The following AUTS2 variants were observed in gnomAD, a reference collection of about 807,000 sequenced individuals.
AUTS2 encodes activator of transcription and developmental regulator AUTS2, also known as autism susceptibility gene 2 protein.
AUTS2 carries 17 observed loss-of-function variants against 112.4 expected under a neutral mutation model. The observed-to-expected ratio is 0.15, with a 90% CI of 0.10 to 0.23. The LOEUF is 0.23. AUTS2 is among the 10% of genes least tolerant of loss of function. AUTS2 has a pLI of 1.00. For synonymous variants in AUTS2, 751 were observed against 702.7 expected, an observed-to-expected ratio of 1.07 and a Z score of -1.09; for missense variants, 1,510 against 1,701.6, an observed-to-expected ratio of 0.89 and a Z score of 1.98.
intron 1 of AUTS2, among the ~76,000 whole-genome samples, chr7:69,833,379 A>G (rs1031708327): frequency 1.3e-5 from 2 of 152,210 alleles, no homozygotes; most frequent in African/African-American, 4.8e-5. Flanking sequence ...TAAAAGGCCA[A>G]TCGTATCTGA....
chr7:70,567,019 C>T (rs1414141936), intron 5 of AUTS2, among the ~76,000 whole-genome samples: 3 of 152,192 alleles, frequency 2.0e-5, no homozygotes, highest in Non-Finnish European at 4.4e-5. Flanking sequence ...AGCATTGGAT[C>T]CCTTGTAGAT....
intron 4 of AUTS2, chr7:70,294,176 A>G (rs1031385803): frequency 1.3e-5 from 2 of 152,240 alleles, no homozygotes; most frequent in East Asian, 3.8e-4. Flanking sequence ...CATAGAAGGC[A>G]TTGCATAGCT....
intron 1 of AUTS2, among the ~76,000 whole-genome samples, chr7:69,667,350 G>GTTTTTTTTTTT (rs58991076): frequency 7.4e-6 from 1 of 134,436 alleles, no homozygotes; most frequent in Non-Finnish European, 1.6e-5. Context: ...GTTTTGTTGT[G>GTTTTTTTTTTT]TTTTTTTTTT....
At chr7:69,689,542 G>A (rs1246034496) in intron 1 of AUTS2, among the ~76,000 whole-genome samples, 20 of 150,910 alleles carry the variant, frequency 1.3e-4, no homozygotes, top group African/African-American at 3.4e-4. Context: ...GGGTTTCACC[G>A]TATTGGCCAG....
chr7:69,848,541 AG>A (rs1447475124), intron 1 of AUTS2, among the ~76,000 whole-genome samples: 1 of 152,152 alleles, frequency 6.6e-6, no homozygotes, highest in Non-Finnish European at 1.5e-5. Flanking sequence ...ATGCCCTCCC[AG>A]GTACAGTAGC....
At chr7:70,362,701 A>G (rs1052884734) in intron 4 of AUTS2, among the ~76,000 whole-genome samples, 2 of 151,246 alleles carry the variant, frequency 1.3e-5, no homozygotes, top group South Asian at 2.1e-4. Context: ...TTTTTTAATC[A>G]GAAAGTTCTT....
At chr7:69,954,445 C>A (rs1397373750) in intron 2 of AUTS2, among the ~76,000 whole-genome samples, 2 of 152,030 alleles carry the variant, frequency 1.3e-5, no homozygotes, top group Non-Finnish European at 2.9e-5. Flanking sequence ...CCATGCCTGG[C>A]CTAATTTTTA....
chr7:70,054,189 T>C (rs1333428082), intron 2 of AUTS2, among the ~76,000 whole-genome samples: 1 of 152,198 alleles, frequency 6.6e-6, no homozygotes, highest in Non-Finnish European at 1.5e-5. Flanking sequence ...TAAATTTGCA[T>C]AGCCATGTGT....
intron 5 of AUTS2, among the ~76,000 whole-genome samples, chr7:70,475,784 CA>C (rs1797559780): frequency 6.6e-6 from 1 of 152,174 alleles, no homozygotes; most frequent in Admixed American, 6.5e-5. Context: ...TCCTACAATA[CA>C]AGCACTTTGG....
chr7:69,818,857 T>G (rs900642929), intron 1 of AUTS2, among the ~76,000 whole-genome samples: 1 of 152,240 alleles, frequency 6.6e-6, no homozygotes, highest in Non-Finnish European at 1.5e-5. Context: ...CTGTGACCTT[T>G]GTGTTTATAA....
intron 2 of AUTS2, among the ~76,000 whole-genome samples, chr7:70,082,267 A>G (rs1803359824): frequency 6.6e-6 from 1 of 152,190 alleles, no homozygotes; most frequent in African/African-American, 2.4e-5. Flanking sequence ...ATTAAATTTC[A>G]TGGTATATGG....
intron 2 of AUTS2, among the ~76,000 whole-genome samples, chr7:69,914,842 A>C (rs1350518504): frequency 6.6e-6 from 1 of 152,088 alleles, no homozygotes; most frequent in African/African-American, 2.4e-5. Flanking sequence ...TTCACTGAAA[A>C]ATTATTGTCC....
intron 4 of AUTS2, among the ~76,000 whole-genome samples, chr7:70,244,958 A>G (rs1261019141): frequency 3.3e-5 from 5 of 151,792 alleles, no homozygotes; most frequent in Admixed American, 3.3e-4. Flanking sequence ...CGTCTCTACT[A>G]AAAATACAAA....
chr7:70,139,822 A>T (rs1806760757), intron 4 of AUTS2, among the ~76,000 whole-genome samples: 1 of 152,080 alleles, frequency 6.6e-6, no homozygotes, highest in East Asian at 1.9e-4. Context: ...AACATGGTGA[A>T]ACCCCGTCTC....
chr7:70,267,436 A>C (rs1332036163), intron 4 of AUTS2, among the ~76,000 whole-genome samples: 1 of 152,158 alleles, frequency 6.6e-6, no homozygotes, highest in Non-Finnish European at 1.5e-5. Flanking sequence ...TCTACCCAGG[A>C]CAAGGAGATT....
intron 3 of AUTS2, chr7:70,120,018 A>G (rs1057228973): frequency 1.3e-5 from 2 of 152,186 alleles, no homozygotes; most frequent in African/African-American, 4.8e-5. Context: ...ATTTTTAAAT[A>G]CGTGGATTTA....
At chr7:70,499,799 A>T (rs780135244) in intron 5 of AUTS2, among the ~76,000 whole-genome samples, 1 of 152,252 alleles carries the variant, frequency 6.6e-6, no homozygotes, top group East Asian at 1.9e-4. Context: ...GTTAGTTTAC[A>T]GCAAGGTAAG....
At chr7:70,331,703 A>C (rs1790759013) in intron 4 of AUTS2, among the ~76,000 whole-genome samples, 1 of 152,202 alleles carries the variant, frequency 6.6e-6, no homozygotes, top group African/African-American at 2.4e-5. Context: ...ATATAAACAG[A>C]ACAAATGACA....
intron 2 of AUTS2, among the ~76,000 whole-genome samples, chr7:69,979,060 TAATC>T (rs900588142): frequency 6.6e-6 from 1 of 152,214 alleles, no homozygotes; most frequent in Non-Finnish European, 1.5e-5. Flanking sequence ...GAAATTTACA[TAATC>T]ATGATGACTG....
Sources: allele counts gnomAD v4.1 joint callset (sites outside exome capture counted in the v4.1 genomes callset), GRCh38; gene constraint gnomAD v4.1.1; transcripts MANE v1.5; gene names NCBI Gene and HGNC (gene_info 2026-07-23, HGNC 2026-07-21).